The following VWA2 variants were observed in gnomAD, a reference collection of about 807,000 sequenced individuals.
The protein encoded by VWA2 is von Willebrand factor A domain containing 2.
Under a neutral mutation model 70.4 loss-of-function variants are expected in VWA2, and 73 were observed. That is an observed-to-expected ratio of 1.04 (90% CI 0.86 to 1.26). The LOEUF (loss-of-function observed/expected upper bound fraction) is 1.26. VWA2 is among the 50% of genes most tolerant of loss of function. The probability of loss-of-function intolerance (pLI) is 0.00; values close to 1 mark genes in which losing one functional copy is unlikely to be tolerated. For missense variants in VWA2, 1,011 were observed against 998.5 expected (o/e 1.01, Z -0.17); for synonymous variants, 407 against 423.3 (o/e 0.96, Z 0.47).
At chr10:114,290,105 C>G (rs2039419299) in intron 12 of VWA2, 135 bp from the exon 13 acceptor site, 1 of 1,235,384 alleles carries the variant, frequency 8.1e-7, no homozygotes, top group African/African-American at 1.5e-5. Flanking sequence ...TATGCAGCAC[C>G]AACCATGAGC....
intron 11 of VWA2, among the ~76,000 whole-genome samples, chr10:114,286,795 T>A (rs1257768072): frequency 6.6e-6 from 1 of 152,220 alleles, no homozygotes; most frequent in Non-Finnish European, 1.5e-5. Context: ...GTGTTGCTGT[T>A]ATCATTCTTA....
chr10:114,254,354 G>A (rs779250160), intron 3 of VWA2, among the ~76,000 whole-genome samples: 33 of 152,104 alleles, frequency 2.2e-4, no homozygotes, highest in Non-Finnish European at 4.0e-4. Flanking sequence ...TTCCAGGTGT[G>A]AGCCACCATG....
chr10:114,286,335 C>A lies in VWA2; in HGVS notation c.1394C>A (p.Ala465Glu). 1 of 1,612,882 alleles carries A rather than the reference C, an allele frequency of 6.2e-7. No individual in the cohort carries two copies. The highest frequency in any genetic ancestry group is 8.5e-7 in the Non-Finnish European group (1 of 1,179,500). Residue 465 changes from alanine to glutamate, a missense_variant, in exon 11 of 14, where the codon GCG (alanine) becomes GAG (glutamate). Transcript: ENST00000392982. ...SHSEDEVAGP[A>E]RHARARELLL... ...TCCGAGGATGAGGTTGCGGGCCCAGCGCGTCACGCAAGGGCGCGAGAGCTG... is the reference window on the plus strand; with the variant it reads ...TCCGAGGATGAGGTTGCGGGCCCAGAGCGTCACGCAAGGGCGCGAGAGCTG...
intron 5 of VWA2, among the ~76,000 whole-genome samples, chr10:114,271,171 C>T (rs1179774671): frequency 6.6e-6 from 1 of 152,114 alleles, no homozygotes; most frequent in Non-Finnish European, 1.5e-5. Context: ...TCCTGGTCTC[C>T]ATTTCACTAT....
intron 5 of VWA2, among the ~76,000 whole-genome samples, chr10:114,270,972 C>G (rs935204104): frequency 6.6e-6 from 1 of 152,196 alleles, no homozygotes; most frequent in African/African-American, 2.4e-5. Flanking sequence ...TCAGCTGATT[C>G]ACCAAGACCC....
At chr10:114,241,941 G>A (rs960198612) in intron 1 of VWA2, among the ~76,000 whole-genome samples, 3 of 139,900 alleles carry the variant, frequency 2.1e-5, no homozygotes, top group African/African-American at 8.2e-5. Context: ...GTCTGTTGGT[G>A]ATTGTGTGTG....
intron 5 of VWA2, among the ~76,000 whole-genome samples, chr10:114,269,236 C>A (rs2037650642): frequency 6.6e-6 from 1 of 152,224 alleles, no homozygotes; most frequent in African/African-American, 2.4e-5. Context: ...AACTTAATTT[C>A]TCTGTAACCA....
In VWA2 at chr10:114,277,923, G is replaced by T. The variant is rs34777463; in HGVS notation, c.576G>T (p.Glu192Asp). The change falls in exon 7 of 14, where the codon GAG becomes GAT. Residue 192 changes from glutamate to aspartate, a missense_variant. By Grantham distance (45) the Glu-to-Asp change is conservative. Transcript: ENST00000392982. ...AVGVRFPRWE[E>D]LHALASEPRG... is the part of the protein sequence containing the mutation. ...CAACCCCTTGGCACAGGTGGGAGGAGCTGCATGCACTGGCCAGCGAGCCTA... is the reference window on the plus strand; with the variant it reads ...CAACCCCTTGGCACAGGTGGGAGGATCTGCATGCACTGGCCAGCGAGCCTA... 8.1e-6 allele frequency: 13 copies of T among 1,608,172 alleles called. No individual in the cohort carries two copies. Among genetic ancestry groups the T allele is most frequent in the African/African-American group, 1.3e-5 (1 of 74,814 alleles).
intron 9 of VWA2, among the ~76,000 whole-genome samples, chr10:114,284,251 A>C (rs1331274297): frequency 6.6e-6 from 1 of 152,220 alleles, no homozygotes; most frequent in African/African-American, 2.4e-5. Context: ...CAATACTGTC[A>C]TTACCTGTTG....
chr10:114,268,790 G>T (rs1292417342), intron 5 of VWA2, among the ~76,000 whole-genome samples: 5 of 151,856 alleles, frequency 3.3e-5, no homozygotes, highest in Non-Finnish European at 7.4e-5. Context: ...CGCCTCCCAG[G>T]TTCACGCCAT....
At chr10:114,263,486 G>A (rs1040019125) in intron 5 of VWA2, among the ~76,000 whole-genome samples, 17 of 151,882 alleles carry the variant, frequency 1.1e-4, no homozygotes, top group African/African-American at 4.1e-4. Flanking sequence ...ACAGGAGCCC[G>A]CCACCACGCC....
At chr10:114,278,953 A>T in intron 8 of VWA2, 102 bp downstream of exon 8, 4 of 1,535,402 alleles carry the variant, frequency 2.6e-6, no homozygotes, top group Non-Finnish European at 3.5e-6. Context: ...GGAGATTGTG[A>T]CAGGGATCGA....
chr10:114,280,422 G>A lies in VWA2; in HGVS notation c.833+1571G>A, dbSNP rs181661985. On this transcript the variant is annotated intron_variant, in intron 8 of 13. Coordinates refer to ENST00000392982, the MANE Select transcript of VWA2 (RefSeq NM_001272046.2). ...TGTGGAGGAACACAGCAGCAAGATG[G>A]GGATGCGGTGGGGTAGGCGGGGGGT... Among the ~76,000 whole-genome samples the A allele has an allele frequency of 3.2e-3, 489 of 152,308 alleles. 1 individual carries two copies. Among genetic ancestry groups the A allele is most frequent in the Admixed American group, 8.6e-3 (131 of 15,298 alleles).
Position 114,290,310 on chromosome 10 carries a change from T to C in VWA2, c.2193T>C (p.Asn731=). 2.6e-6 allele frequency: 4 copies of C among 1,550,572 alleles called. No individual in the cohort carries two copies. The highest frequency in any genetic ancestry group is 3.9e-5 in the Admixed American group (2 of 50,998). Residue 731 remains asparagine (N), a synonymous_variant, in exon 13 of 14, where the codon AAT becomes AAC. Transcript: ENST00000392982. The part of the protein sequence containing the change: ...CMNEGSCVLQ[N]GSYRCKCRDG... ...ATGAGGGCAGCTGCGTCCTGCAGAATGGGAGCTACCGCTGCAAGTGTCGGG... is the reference window on the plus strand; with the variant it reads ...ATGAGGGCAGCTGCGTCCTGCAGAACGGGAGCTACCGCTGCAAGTGTCGGG...
chr10:114,247,663 CA>C (rs527665370), intron 1 of VWA2, among the ~76,000 whole-genome samples: 52 of 141,156 alleles, frequency 3.7e-4, no homozygotes, highest in East Asian at 3.0e-3. Flanking sequence ...ATAACTATGT[CA>C]AAAAAAAAAA....
At chr10:114,243,159 TA>T (rs1312853446) in intron 1 of VWA2, among the ~76,000 whole-genome samples, 1 of 152,206 alleles carries the variant, frequency 6.6e-6, no homozygotes, top group Non-Finnish European at 1.5e-5. Flanking sequence ...CTCTTCTGGC[TA>T]AAAATGTGTC....
intron 4 of VWA2, among the ~76,000 whole-genome samples, chr10:114,255,663 A>G (rs2037311495): frequency 6.6e-6 from 1 of 152,196 alleles, no homozygotes; most frequent in Non-Finnish European, 1.5e-5. Context: ...GAGAGGAACT[A>G]TTCCTGCTTG....
intron 5 of VWA2, among the ~76,000 whole-genome samples, chr10:114,268,946 CGGCCTTCCAAAGTGCTG>C (rs576492109): frequency 2.7e-4 from 41 of 151,942 alleles, no homozygotes; most frequent in Middle Eastern, 6.8e-3. Context: ...ACGCCCGCCT[CGGCCTTCCAAAGTGCTG>C]GGCCTTCCAA....
At chr10:114,271,359 G>C (rs916934807) in intron 5 of VWA2, among the ~76,000 whole-genome samples, 38 of 152,220 alleles carry the variant, frequency 2.5e-4, no homozygotes, top group African/African-American at 8.7e-4. Context: ...TGCCATTTAA[G>C]AGCTTGCTTA....
Sources: gnomAD v4.1 joint callset for allele counts (sites outside exome capture counted in the v4.1 genomes callset) on GRCh38, gnomAD v4.1.1 for gene constraint, MANE v1.5 for transcripts, NCBI Gene and HGNC (gene_info 2026-07-23, HGNC 2026-07-21) for gene names.